ID4: variants seen among roughly 807,000 people sequenced by gnomAD.
The protein encoded by ID4 is inhibitor of DNA binding 4, also known as DNA-binding protein inhibitor ID-4.
ID4 carries 9 observed loss-of-function variants against 8.6 expected under a neutral mutation model. That is an observed-to-expected ratio of 1.04 (90% CI 0.63 to 1.82). The LOEUF is 1.82. Ranked by LOEUF, ID4 falls within the 40% of genes most tolerant of loss-of-function variation. The pLI is 0.00. For missense variants in ID4, 270 were observed against 235.1 expected, an observed-to-expected ratio of 1.15 and a Z score of -0.97; for synonymous variants, 180 against 118.0, an observed-to-expected ratio of 1.53 and a Z score of -3.41.
chr6:19,838,426 C>A, intron 1 of ID4, 158 bp from the exon 2 acceptor site: 1 of 540,464 alleles, frequency 1.9e-6, no homozygotes, highest in Non-Finnish European at 2.4e-6. Context: ...GCGCCCTGGG[C>A]TGTCAAGTCC....
rs1761287380 is a variant in ID4, at chr6:19,838,706, G to A, written c.*14+64G>A. On this transcript the variant is annotated intron_variant, in intron 2 of 2. Transcript: ENST00000378700. Reference sequence around the variant, plus strand: ...GAGACGCCCGTCCCCGAGGGCTTCCGGGGCCAGGCACCGCGGTGTTCTTTG... The same window carrying A: ...GAGACGCCCGTCCCCGAGGGCTTCCAGGGCCAGGCACCGCGGTGTTCTTTG... The A allele has an allele frequency of 7.6e-6, 11 of 1,445,184 alleles. No individual in the cohort carries two copies. In the South Asian group the frequency reaches 8.2e-5, roughly 11 times the overall value. The allele number at this position is 1,445,184 out of a possible 1,614,324, so 89.5% of individuals were successfully genotyped here.
rs985290939 is a variant in ID4, at chr6:19,840,725, T to C, written c.*1530T>C. The C allele has an allele frequency of 3.3e-5, 5 of 152,250 alleles. No homozygotes were observed. The highest frequency in any genetic ancestry group is 2.1e-4 in the South Asian group (1 of 4,828). The allele number at this position is 152,250 out of a possible 1,614,324, so 9.4% of individuals were successfully genotyped here. ...TCATTTCTTTAAAACCTTACTCTTA[T>C]TTTTCTTTTAAGGCTCTTTTTTCTC... On this transcript the variant is annotated 3_prime_UTR_variant, in exon 3 of 3. Transcript: ENST00000378700.
Position 19,838,614 on chromosome 6 carries a change from A to AT in ID4, c.474dup (p.Leu159SerfsTer21), listed in dbSNP as rs1234848273. On this transcript the variant is annotated frameshift_variant, in exon 2 of 3. Coordinates refer to ENST00000378700, the MANE Select transcript of ID4 (RefSeq NM_001546.4). LOFTEE classifies it high-confidence loss of function. ...CGCGGTGAACAAGCAGGGCGACAGC[A>AT]TTCTGTGCCGCTGAGCCGCGCTGTC... is the stretch of plus-strand genomic sequence containing the variant. 4 of 1,613,744 alleles carry AT rather than the reference A, an allele frequency of 2.5e-6. No individual in the cohort carries two copies. In the South Asian group the frequency reaches 4.4e-5, roughly 18 times the overall value.
chr6:19,838,570 G>A lies in ID4; in HGVS notation c.442-14G>A, dbSNP rs368395358. 1,245 of 1,613,974 alleles carry A rather than the reference G, an allele frequency of 7.7e-4. 1 individual carries two copies. Among genetic ancestry groups the A allele is most frequent in the South Asian group, 1.2e-3 (107 of 91,084 alleles). On this transcript the variant is annotated splice_polypyrimidine_tract_variant and intron_variant, in intron 1 of 2. Transcript: ENST00000378700. ...CCTGCTAACCTTTCCCTTGGTGTTC[G>A]GTTGCTGTTCCAGGCCGGCGCGGTG...
intron 2 of ID4, 121 bp downstream of exon 2, chr6:19,838,763 G>A (rs1418748095): frequency 6.4e-6 from 5 of 778,420 alleles, no homozygotes; most frequent in African/African-American, 5.2e-5. Context: ...AACTCCCAAG[G>A]AAGTAAATCC....
rs945686890 is a variant in ID4 at position 19,841,955 on chromosome 6, C to T, written c.*2760C>T. ...AAAACTCCAGAAGGAAAAAAAGTAT[C>T]CCACACAGTGGATGTTGTTTCTAAG... On this transcript the variant is annotated 3_prime_UTR_variant, in exon 3 of 3. Coordinates refer to ENST00000378700, the MANE Select transcript of ID4 (RefSeq NM_001546.4). Among the ~76,000 whole-genome samples, 1 of 152,110 alleles carries T rather than the reference C, an allele frequency of 6.6e-6. No individual in the cohort carries two copies. The highest frequency in any genetic ancestry group is 2.4e-5 in the African/African-American group (1 of 41,418).
intron 2 of ID4, 172 bp downstream of exon 2, chr6:19,838,814 T>TA (rs1349404020): frequency 1.0e-4 from 60 of 602,292 alleles, no homozygotes; most frequent in Non-Finnish European, 1.5e-5. Flanking sequence ...AACCCGTACT[T>TA]AGCCTTAGAA....
intron 1 of ID4, 86 bp downstream of exon 1, chr6:19,838,281 C>T (rs894369872): frequency 1.4e-4 from 167 of 1,228,642 alleles, no homozygotes; most frequent in Middle Eastern, 1.2e-3. Flanking sequence ...CGCTCACCGT[C>T]CTCCGGGCAG....
At chr6:19,838,688 C>T (rs923917468) in intron 2 of ID4, 46 bp downstream of exon 2, 22 of 1,572,308 alleles carry the variant, frequency 1.4e-5, no homozygotes, top group Admixed American at 3.4e-5. Context: ...CCAGAGACGC[C>T]CGTCCCCGAG....
chr6:19,838,346 C>T (rs1349980828), intron 1 of ID4, 151 bp downstream of exon 1: 13 of 999,290 alleles, frequency 1.3e-5, no homozygotes, highest in Admixed American at 8.2e-5. Flanking sequence ...TCCCCCGGGC[C>T]GCCAGCAGCC....
intron 1 of ID4, 109 bp downstream of exon 1, chr6:19,838,304 A>G (rs1265610746): frequency 1.4e-5 from 15 of 1,101,938 alleles, no homozygotes; most frequent in Non-Finnish European, 1.5e-5. Flanking sequence ...GCGGGCCAGG[A>G]ATGACAGCCC....
In ID4 at chr6:19,840,023, T is replaced by A. The variant is rs1761325402; in HGVS notation, c.*828T>A. The A allele has an allele frequency of 1.3e-5, 2 of 152,606 alleles. No individual in the cohort carries two copies. The highest frequency in any genetic ancestry group is 2.9e-5 in the Non-Finnish European group (2 of 68,020). The allele number at this position is 152,606 out of a possible 1,614,324, so 9.5% of individuals were successfully genotyped here. A position where few individuals can be genotyped will look rare whatever the true frequency, so the allele number is the denominator to read the frequency against. On this transcript the variant is annotated 3_prime_UTR_variant, in exon 3 of 3. Transcript: ENST00000378700. Reference sequence around the variant, plus strand: ...TTGCATGATTGCATGAGATGTTTAATCACAAATTAAACTTGTTCTGAGTCC... The same window carrying A: ...TTGCATGATTGCATGAGATGTTTAAACACAAATTAAACTTGTTCTGAGTCC...
At chr6:19,838,254 T>TG (rs1320612369) in intron 1 of ID4, 59 bp downstream of exon 1, 1 of 1,294,454 alleles carries the variant, frequency 7.7e-7, no homozygotes, top group Non-Finnish European at 9.8e-7. Flanking sequence ...GTTGGTGGCG[T>TG]GGTGGCGGGA....
At position 19,837,844 on chromosome 6, in the gene ID4, G is replaced by T. The variant is rs770172628; in HGVS notation, c.90G>T (p.Glu30Asp). 1 of 1,179,852 alleles carries T rather than the reference G, an allele frequency of 8.5e-7. No homozygotes were observed. 73.1% of individuals were successfully genotyped at this position (1,179,852 alleles called of 1,614,324 possible). Reference sequence around the variant, plus strand: ...AGCTGGCGCTGCGCTGCCTGGCCGAGCACGGCCACAGCCTGGGTGGCTCCG... The same window carrying T: ...AGCTGGCGCTGCGCTGCCTGGCCGATCACGGCCACAGCCTGGGTGGCTCCG... ...GGELALRCLAEHGHSLGGSAA... is the reference protein window; with the variant it reads ...GGELALRCLADHGHSLGGSAA... The change falls in exon 1 of 3, where the codon GAG becomes GAT. Residue 30 changes from glutamate to aspartate, a missense_variant. Physicochemically the swap from Glu to Asp is conservative, Grantham distance 45 (BLOSUM62 2). Around this residue, in one of 3 missense-constraint regions of ID4, gnomAD observed 160 missense variants for 131.5 expected, o/e 1.22. Transcript: ENST00000378700.
At position 19,839,801 on chromosome 6, in the gene ID4, TTTAA is replaced by T. The variant is rs779652840; in HGVS notation, c.*611_*614del. On this transcript the variant is annotated 3_prime_UTR_variant, in exon 3 of 3. Transcript: ENST00000378700. ...ATAGATACTGTAATTATAAGATATT[TTTAA>T]TTAAATATTTTTTTGTAAATATTAT... The T allele has an allele frequency of 9.2e-5, 14 of 152,246 alleles. No individual in the cohort carries two copies. The highest frequency in any genetic ancestry group is 3.8e-4 in the East Asian group (2 of 5,198). The allele number at this position is 152,246 out of a possible 1,614,324, so 9.4% of individuals were successfully genotyped here. A position where few individuals can be genotyped will look rare whatever the true frequency, so the allele number is the denominator to read the frequency against.
chr6:19,838,484 G>T (rs1761279653), intron 1 of ID4, 100 bp from the exon 2 acceptor site: 2 of 1,521,572 alleles, frequency 1.3e-6, no homozygotes. Flanking sequence ...GGGTGGGGGC[G>T]TCGGCGCGCC....
chr6:19,837,774 TG>T lies in ID4; in HGVS notation c.21del (p.Arg8AlafsTer61). ...CGCGCGATGAAGGCGGTGAGCCCGGTGCGCCCCTCGGGCCGCAAGGCGCCGT... is the reference window on the plus strand; with the variant it reads ...CGCGCGATGAAGGCGGTGAGCCCGGTCGCCCCTCGGGCCGCAAGGCGCCGT... MKAVSP[V>X]RPSGRKAPSG... On this transcript the variant is annotated frameshift_variant, in exon 1 of 3. Coordinates refer to ENST00000378700, the MANE Select transcript of ID4 (RefSeq NM_001546.4). LOFTEE classifies it high-confidence loss of function. 1 of 1,126,344 alleles carries T rather than the reference TG, an allele frequency of 8.9e-7. No homozygotes were observed. The allele number at this position is 1,126,344 out of a possible 1,614,324, so 69.8% of individuals were successfully genotyped here.
rs2113464363 is a variant in ID4 at position 19,838,187 on chromosome 6, A to T, written c.433A>T (p.Thr145Ser). The change falls in exon 1 of 3, where the codon ACC (threonine) becomes TCC (serine). Residue 145 changes from threonine (T) to serine (S), a missense_variant. Coordinates refer to ENST00000378700, the MANE Select transcript of ID4 (RefSeq NM_001546.4). ...GCGGACCCCGCTCACTGCGCTCAAC[A>T]CCGACCCGGTGAGAGGCCGGGCGCC... The part of the protein sequence containing the change: ...PPRTPLTALN[T>S]DPAGAVNKQG... The T allele has an allele frequency of 7.1e-7, 1 of 1,411,660 alleles. No individual in the cohort carries two copies. Among genetic ancestry groups the T allele is most frequent in the Non-Finnish European group, 9.2e-7 (1 of 1,085,394 alleles). 87.4% of individuals were successfully genotyped at this position (1,411,660 alleles called of 1,614,324 possible).
In ID4 at chr6:19,841,545, G is replaced by A. The variant is rs1202538409; in HGVS notation, c.*2350G>A. ...AACCTCAAAACAAATGGGTATTTTTGGGTTTTGAGGATAGATGTTACTCCT... is the reference window on the plus strand; with the variant it reads ...AACCTCAAAACAAATGGGTATTTTTAGGTTTTGAGGATAGATGTTACTCCT... On this transcript the variant is annotated 3_prime_UTR_variant, in exon 3 of 3. Coordinates refer to ENST00000378700, the MANE Select transcript of ID4 (RefSeq NM_001546.4). Among the ~76,000 whole-genome samples, 2 of 152,238 alleles carry A rather than the reference G, an allele frequency of 1.3e-5. No individual in the cohort carries two copies. Among genetic ancestry groups the A allele is most frequent in the South Asian group, 2.1e-4 (1 of 4,814 alleles).
Sources: allele counts gnomAD v4.1 joint callset (sites outside exome capture counted in the v4.1 genomes callset), GRCh38; gene constraint gnomAD v4.1.1; regional missense constraint gnomAD v4.1.1; transcripts MANE v1.5; gene names NCBI Gene and HGNC (gene_info 2026-07-23, HGNC 2026-07-21).